The following FCHSD2 variants were observed in gnomAD, a reference collection of about 807,000 sequenced individuals.
FCHSD2 encodes the protein FCH and double SH3 domains 2.
A neutral mutation model predicts 108.1 loss-of-function variants in FCHSD2; 38 were observed. The observed-to-expected ratio is 0.35, with a 90% confidence interval of 0.27 to 0.46. The LOEUF (loss-of-function observed/expected upper bound fraction) is 0.46. FCHSD2 is among the 20% of genes least tolerant of loss of function. FCHSD2 has a pLI of 1.00. For synonymous variants in FCHSD2, 279 were observed against 314.7 expected (o/e 0.89, Z 1.20); for missense variants, 751 against 897.8 (o/e 0.84, Z 2.09).
chr11:72,840,370 C>G (rs953491983), intron 19 of FCHSD2, among the ~76,000 whole-genome samples: 1 of 152,144 alleles, frequency 6.6e-6, no homozygotes, highest in Admixed American at 6.6e-5. Context: ...ACTGGATTAC[C>G]GTGCAAGTTA....
intron 13 of FCHSD2, among the ~76,000 whole-genome samples, chr11:72,863,716 T>C (rs547190580): frequency 6.6e-6 from 1 of 152,086 alleles, no homozygotes; most frequent in East Asian, 1.9e-4. Flanking sequence ...AATATACAGA[T>C]GCAAATAAAC....
chr11:73,055,343 G>A (rs1379010922), intron 3 of FCHSD2, among the ~76,000 whole-genome samples: 3 of 144,762 alleles, frequency 2.1e-5, no homozygotes, highest in African/African-American at 2.6e-5. Flanking sequence ...ACCCTGTCTC[G>A]AAAAAAAAAA....
chr11:73,071,028 CATT>C (rs1859424166), intron 3 of FCHSD2, among the ~76,000 whole-genome samples: 1 of 152,100 alleles, frequency 6.6e-6, no homozygotes, highest in African/African-American at 2.4e-5. Context: ...CAATTGGAAA[CATT>C]AAACAAAATC....
At chr11:73,059,291 A>C (rs1014717832) in intron 3 of FCHSD2, among the ~76,000 whole-genome samples, 1 of 151,718 alleles carries the variant, frequency 6.6e-6, no homozygotes, top group African/African-American at 2.4e-5. Flanking sequence ...TTTTTTTTTA[A>C]CCCCCATACC....
chr11:72,886,304 C>A (rs1591370171), intron 12 of FCHSD2, among the ~76,000 whole-genome samples: 1 of 152,290 alleles, frequency 6.6e-6, no homozygotes, highest in East Asian at 1.9e-4. Context: ...CTACCTTCAT[C>A]TTTTGGTTCA....
rs1254857611 is a variant in FCHSD2 at position 73,066,713 on chromosome 11, A to C, written c.165+16982T>G. On this transcript the variant is annotated intron_variant, in intron 3 of 19. Coordinates refer to ENST00000409418, the MANE Select transcript of FCHSD2 (RefSeq NM_014824.3). ...AGTTCTCAAAAGAAGACATTTATGT[A>C]GCCAACAGACATGAAAAAATGCTCA... Among the ~76,000 whole-genome samples, 3 of 152,354 alleles carry C rather than the reference A, an allele frequency of 2.0e-5. No individual in the cohort carries two copies. The East Asian group carries it at 5.8e-4, about 29-fold the overall frequency.
chr11:72,983,162 CGGGCGCCT>C (rs1857247390), intron 8 of FCHSD2, among the ~76,000 whole-genome samples: 1 of 151,252 alleles, frequency 6.6e-6, no homozygotes, highest in Non-Finnish European at 1.5e-5. Flanking sequence ...GGCGTAGTGG[CGGGCGCCT>C]GTAGTCCCAG....
At chr11:73,111,726 T>C (rs1860491051) in intron 2 of FCHSD2, among the ~76,000 whole-genome samples, 1 of 152,174 alleles carries the variant, frequency 6.6e-6, no homozygotes, top group Non-Finnish European at 1.5e-5. Context: ...TGGGGTGTTT[T>C]AATTTCTTGC....
chr11:73,008,978 G>A (rs764694153), intron 4 of FCHSD2, among the ~76,000 whole-genome samples: 20 of 151,646 alleles, frequency 1.3e-4, no homozygotes, highest in Non-Finnish European at 2.4e-4. Flanking sequence ...AAAGTCATTA[G>A]AGAGCTGAGG....
intron 8 of FCHSD2, among the ~76,000 whole-genome samples, chr11:72,926,584 G>C (rs932376990): frequency 6.6e-6 from 1 of 152,108 alleles, no homozygotes; most frequent in Non-Finnish European, 1.5e-5. Flanking sequence ...TCTCTGCTGA[G>C]AGCTGAACAC....
intron 8 of FCHSD2, chr11:72,940,472 T>C (rs1856392638): frequency 4.4e-6 from 3 of 686,014 alleles, no homozygotes; most frequent in Non-Finnish European, 7.8e-6. Context: ...CCTTTCTGTC[T>C]GGCAGTAGCC....
chr11:72,994,384 G>GGTA lies in FCHSD2; in HGVS notation c.388-5290_388-5288dup, dbSNP rs745971826. Among the ~76,000 whole-genome samples the GGTA allele has an allele frequency of 1.3e-4, 20 of 152,102 alleles. No individual in the cohort carries two copies. In the East Asian group the frequency reaches 2.9e-3, roughly 22 times the overall value. On this transcript the variant is annotated intron_variant, in intron 5 of 19. Transcript: ENST00000409418. ...GTCCTTGAAACGACTCTATGAAAAAGGTAGTAGTAGTAGTAGCAGCAGCAG... is the reference window on the plus strand; with the variant it reads ...GTCCTTGAAACGACTCTATGAAAAAGGTAGTAGTAGTAGTAGTAGCAGCAGCAG...
chr11:73,047,687 T>G (rs542192116), intron 3 of FCHSD2, among the ~76,000 whole-genome samples: 1 of 152,238 alleles, frequency 6.6e-6, no homozygotes, highest in Non-Finnish European at 1.5e-5. Flanking sequence ...CCCCTTCTCT[T>G]TTCCTTTCAT....
chr11:73,102,635 G>C (rs556200743), intron 2 of FCHSD2, among the ~76,000 whole-genome samples: 1 of 152,316 alleles, frequency 6.6e-6, no homozygotes, highest in African/African-American at 2.4e-5. Context: ...ATTAGGCCAT[G>C]AGGGCTCTGC....
At chr11:73,089,154 T>A (rs1222770701) in intron 2 of FCHSD2, among the ~76,000 whole-genome samples, 2 of 152,172 alleles carry the variant, frequency 1.3e-5, no homozygotes, top group African/African-American at 4.8e-5. Flanking sequence ...CATATATATA[T>A]CAAGAGAGCA....
chr11:72,996,729 C>A (rs1221443354), intron 5 of FCHSD2, among the ~76,000 whole-genome samples: 1 of 152,094 alleles, frequency 6.6e-6, no homozygotes, highest in African/African-American at 2.4e-5. Flanking sequence ...CATGACAGAA[C>A]AACTTGGATC....
At chr11:73,014,322 T>C (rs899672112) in intron 4 of FCHSD2, among the ~76,000 whole-genome samples, 1 of 151,718 alleles carries the variant, frequency 6.6e-6, no homozygotes, top group African/African-American at 2.4e-5. Context: ...AGAGATGGAG[T>C]ATCACTATAC....
rs60223064 is a variant in FCHSD2, at chr11:73,096,987, A to ATTTTTTTTTTTTTTTTTTTTTT, written c.120-13269_120-13248dup. Among the ~76,000 whole-genome samples, 190 of 27,046 alleles carry ATTTTTTTTTTTTTTTTTTTTTT rather than the reference A, an allele frequency of 7.0e-3. 74 individuals carry two copies. The highest frequency in any genetic ancestry group is 9.6e-3 in the South Asian group (3 of 312). 17.7% of individuals were successfully genotyped at this position (27,046 alleles called of 152,430 possible). ...CTAATGTGATGTATTTCATTGATGG[A>ATTTTTTTTTTTTTTTTTTTTTT]TTTTTTTTTTTTTTTTTTTTTTTTT... On this transcript the variant is annotated intron_variant, in intron 2 of 19. Transcript: ENST00000409418.
chr11:73,137,424 C>T (rs143233093), intron 2 of FCHSD2, among the ~76,000 whole-genome samples: 2 of 152,120 alleles, frequency 1.3e-5, no homozygotes. Flanking sequence ...AAAGTGATCA[C>T]GTGAACCAAA....
Sources: gnomAD v4.1 joint callset for allele counts (sites outside exome capture counted in the v4.1 genomes callset) on GRCh38, gnomAD v4.1.1 for gene constraint, MANE v1.5 for transcripts, NCBI Gene and HGNC (gene_info 2026-07-23, HGNC 2026-07-21) for gene names.